ADPGK: variants seen among roughly 807,000 people sequenced by gnomAD.
ADPGK encodes ADP-dependent glucokinase.
A neutral mutation model predicts 42.4 loss-of-function variants in ADPGK; 26 were observed. The observed-to-expected ratio is 0.61, with a 90% CI of 0.45 to 0.85. ADPGK has a LOEUF of 0.85. ADPGK is among the 40% of genes least tolerant of loss of function. The probability of loss-of-function intolerance (pLI) is 0.00; values close to 1 mark genes in which losing one functional copy is unlikely to be tolerated. For synonymous variants in ADPGK, 267 were observed against 252.6 expected (o/e 1.06, Z -0.54); for missense variants, 571 against 627.0 (o/e 0.91, Z 0.95).
chr15:72,780,918 G>A (rs1405162748), intron 1 of ADPGK, among the ~76,000 whole-genome samples: 1 of 152,022 alleles, frequency 6.6e-6, no homozygotes, highest in Non-Finnish European at 1.5e-5. Context: ...TGCCGAGTTT[G>A]GTTCGGGCTC....
chr15:72,769,137 A>T (rs759623559), intron 3 of ADPGK, among the ~76,000 whole-genome samples: 12 of 152,198 alleles, frequency 7.9e-5, no homozygotes, highest in Non-Finnish European at 1.8e-4. Flanking sequence ...AATTTTAGTA[A>T]ACTGAATATG....
chr15:72,781,853 G>A (rs978413614), intron 1 of ADPGK, among the ~76,000 whole-genome samples: 1 of 152,182 alleles, frequency 6.6e-6, no homozygotes, highest in Non-Finnish European at 1.5e-5. Context: ...AGTAGTTAAG[G>A]TTAAATAAGG....
intron 4 of ADPGK, chr15:72,758,418 A>G (rs2066144704): frequency 4.2e-6 from 2 of 478,104 alleles, no homozygotes; most frequent in African/African-American, 3.9e-5. Flanking sequence ...AGATCTGGTA[A>G]GAGAGAATGT....
rs961404123 is a variant in ADPGK at position 72,752,226 on chromosome 15, C to T, written c.*115G>A. On this transcript the variant is annotated 3_prime_UTR_variant, in exon 7 of 7. Transcript: ENST00000456471. ...GAGTTGCCAACAGGCTGGAATGTAC[C>T]TGATACAGTTTAATCTGCTTTTATT... 6.7e-6 allele frequency: 7 copies of T among 1,046,750 alleles called. No individual in the cohort carries two copies. In the East Asian group the frequency reaches 1.8e-4, roughly 27 times the overall value. The allele number at this position is 1,046,750 out of a possible 1,614,324, so 64.8% of individuals were successfully genotyped here. A position where few individuals can be genotyped will look rare whatever the true frequency, so the allele number is the denominator to read the frequency against.
chr15:72,774,869 G>A lies in ADPGK; in HGVS notation c.459+3C>T. 1 of 1,610,352 alleles carries A rather than the reference G, an allele frequency of 6.2e-7. No homozygotes were observed. Among genetic ancestry groups the A allele is most frequent in the Non-Finnish European group, 8.5e-7 (1 of 1,176,816 alleles). On this transcript the variant is annotated splice_donor_region_variant and intron_variant, in intron 2 of 6. Transcript: ENST00000456471. ...TAATTTACTATTGCTGAACCAAACA[G>A]ACCTGGGCTCCTGGGAACTCTGATG...
intron 4 of ADPGK, chr15:72,758,373 T>TC (rs1246010260): frequency 1.9e-5 from 11 of 577,042 alleles, no homozygotes; most frequent in Non-Finnish European, 3.2e-5. Flanking sequence ...CTCACTGGAT[T>TC]CCCAGCCCAA....
At chr15:72,755,862 C>A in intron 5 of ADPGK, 1 of 659,938 alleles carries the variant, frequency 1.5e-6, no homozygotes, top group Non-Finnish European at 2.8e-6. Context: ...GCAGAGCCAT[C>A]AGGGATACAG....
chr15:72,757,366 C>T (rs1318895179), intron 4 of ADPGK: 1 of 152,498 alleles, frequency 6.6e-6, no homozygotes, highest in Non-Finnish European at 1.5e-5. Context: ...GCCACCACGC[C>T]TGGCTAATTT....
chr15:72,776,087 C>T lies in ADPGK; in HGVS notation c.234-990G>A, dbSNP rs74024347. On this transcript the variant is annotated intron_variant, in intron 1 of 6. Transcript: ENST00000456471. ...TCACATATAAGTACTTAATATACATCAGTGGCATCATGTCAGTGCCCCAGA... is the reference window on the plus strand; with the variant it reads ...TCACATATAAGTACTTAATATACATTAGTGGCATCATGTCAGTGCCCCAGA... 8.3e-3 allele frequency among the ~76,000 whole-genome samples: 1,259 copies of T among 152,228 alleles called. 13 individuals are homozygous for T. The highest frequency in any genetic ancestry group is 0.029 in the African/African-American group (1,191 of 41,516).
Position 72,752,422 on chromosome 15 carries a change from T to C in ADPGK, c.1413A>G (p.Lys471=). ...CAAGGCCTACAGTTCGAATGGGGTCTTTACACACCAATACTGGTGTGAAGT... is the reference window on the plus strand; with the variant it reads ...CAAGGCCTACAGTTCGAATGGGGTCCTTACACACCAATACTGGTGTGAAGT... ...SFHFTPVLVC[K]DPIRTVGLGD... is the part of the protein sequence containing the mutation. Residue 471 remains lysine, a synonymous_variant, in exon 7 of 7, where the codon AAA becomes AAG. Coordinates refer to ENST00000456471, the MANE Select transcript of ADPGK (RefSeq NM_001365225.1). 1 of 1,614,244 alleles carries C rather than the reference T, an allele frequency of 6.2e-7. No homozygotes were observed. Among genetic ancestry groups the C allele is most frequent in the South Asian group, 1.1e-5 (1 of 91,082 alleles).
chr15:72,753,517 A>T (rs1312003181), intron 6 of ADPGK, among the ~76,000 whole-genome samples: 1 of 152,224 alleles, frequency 6.6e-6, no homozygotes, highest in Admixed American at 6.5e-5. Context: ...TGTCTTTCTT[A>T]CTTAGCACTT....
At chr15:72,777,068 T>A (rs867028349) in intron 1 of ADPGK, among the ~76,000 whole-genome samples, 23 of 152,206 alleles carry the variant, frequency 1.5e-4, no homozygotes, top group South Asian at 2.1e-4. Context: ...CTTAAAGATA[T>A]GTTTAAAATC....
chr15:72,774,077 A>G (rs2066360086), intron 2 of ADPGK, among the ~76,000 whole-genome samples: 1 of 152,190 alleles, frequency 6.6e-6, no homozygotes, highest in South Asian at 2.1e-4. Context: ...TCCTGGGCTC[A>G]AGCAATCCAC....
intron 3 of ADPGK, among the ~76,000 whole-genome samples, chr15:72,766,091 G>T (rs566540944): frequency 1.3e-5 from 2 of 152,248 alleles, no homozygotes; most frequent in South Asian, 4.1e-4. Flanking sequence ...AGGCTTAAGA[G>T]ATCTTCCTGC....
intron 3 of ADPGK, among the ~76,000 whole-genome samples, chr15:72,763,318 ATTTTTTTTTTT>A (rs34099103): frequency 1.2e-4 from 15 of 123,678 alleles, no homozygotes; most frequent in Non-Finnish European, 2.0e-4. Context: ...CACTCGGCTA[ATTTTTTTTTTT>A]TTTTTTTTTT....
intron 3 of ADPGK, among the ~76,000 whole-genome samples, chr15:72,763,712 C>T (rs1386342519): frequency 6.6e-6 from 1 of 152,168 alleles, no homozygotes; most frequent in Admixed American, 6.5e-5. Context: ...TATTGTGCTT[C>T]ACTTTACTGT....
chr15:72,773,990 T>C (rs1419092313), intron 2 of ADPGK, among the ~76,000 whole-genome samples: 1 of 152,124 alleles, frequency 6.6e-6, no homozygotes, highest in East Asian at 1.9e-4. Flanking sequence ...CACAGGCACA[T>C]GCCACCATGC....
At chr15:72,758,430 G>T in intron 4 of ADPGK, 1 of 418,890 alleles carries the variant, frequency 2.4e-6, no homozygotes, top group African/African-American at 2.0e-5. Flanking sequence ...AGAGAATGTG[G>T]AAAAAAAAAT....
chr15:72,778,768 C>T (rs1326414788), intron 1 of ADPGK, among the ~76,000 whole-genome samples: 15 of 152,034 alleles, frequency 9.9e-5, no homozygotes, highest in Admixed American at 7.2e-4. Flanking sequence ...AAGAGCTAAT[C>T]GTAATTGTTA....
Sources: gnomAD v4.1 joint callset for allele counts (sites outside exome capture counted in the v4.1 genomes callset) on GRCh38, gnomAD v4.1.1 for gene constraint, MANE v1.5 for transcripts, NCBI Gene and HGNC (gene_info 2026-07-23, HGNC 2026-07-21) for gene names.